Variants in CAST observed in about 807,000 individuals in gnomAD.
CAST encodes the protein MIR583 host.
A neutral mutation model predicts 119.6 loss-of-function variants in CAST; 76 were observed. The ratio of observed to expected loss-of-function variants is 0.64; its 90% CI spans 0.53 to 0.77. The LOEUF is 0.77. Among genes scored for constraint, CAST ranks in the 30% least tolerant of loss-of-function variants. The probability of loss-of-function intolerance (pLI) is 0.00; values close to 1 mark genes in which losing one functional copy is unlikely to be tolerated. For synonymous variants in CAST, 319 were observed against 331.6 expected, an observed-to-expected ratio of 0.96 and a Z score of 0.41; for missense variants, 953 against 946.5, an observed-to-expected ratio of 1.01 and a Z score of -0.09.
chr5:96,292,170 A>G, the CAST span, among the ~76,000 whole-genome samples: 1 of 152,136 alleles, frequency 6.6e-6, no homozygotes, highest in Non-Finnish European at 1.5e-5. Context: ...CTTTACCCTG[A>G]TTTTGTCCTA....
At chr5:96,087,959 C>A in the CAST span, among the ~76,000 whole-genome samples, 2 of 152,184 alleles carry the variant, frequency 1.3e-5, no homozygotes. Flanking sequence ...ACTTAAGCAT[C>A]AGAATGCATC....
Position 96,756,973 on chromosome 5 carries a change from A to G in CAST, c.1711-471A>G, listed in dbSNP as rs1192771148. On this transcript the variant is annotated intron_variant, in intron 22 of 31. Coordinates refer to ENST00000675179, the MANE Select transcript of CAST (RefSeq NM_001750.7). ...TGTGCGATTTTCTGTTGTATTGCCA[A>G]TGCTTACTTAGGTCAGGGCTTGGCA... is the stretch of plus-strand genomic sequence containing the variant. Among the ~76,000 whole-genome samples the G allele has an allele frequency of 4.6e-5, 7 of 152,320 alleles. No homozygotes were observed. The East Asian group carries it at 9.6e-4, about 21-fold the overall frequency.
chr5:96,683,316 C>T (rs1751673921), intron 2 of CAST, among the ~76,000 whole-genome samples: 1 of 152,136 alleles, frequency 6.6e-6, no homozygotes, highest in African/African-American at 2.4e-5. Context: ...AGATTTTTGG[C>T]ATTTGGTAGG....
upstream of CAST, among the ~76,000 whole-genome samples, chr5:96,661,015 C>A (rs1170858795): frequency 6.6e-6 from 1 of 151,620 alleles, no homozygotes; most frequent in African/African-American, 2.4e-5. Context: ...ATGCTGCTAG[C>A]CTATCCTTTG....
chr5:96,033,362 G>A, the CAST span, among the ~76,000 whole-genome samples: 1 of 152,072 alleles, frequency 6.6e-6, no homozygotes, highest in Non-Finnish European at 1.5e-5. Context: ...AACAAAAAGT[G>A]TAGAGGTAGA....
At chr5:96,151,446 G>A in the CAST span, among the ~76,000 whole-genome samples, 4 of 152,212 alleles carry the variant, frequency 2.6e-5, no homozygotes, top group Middle Eastern at 6.8e-3. Flanking sequence ...GTCCAGCCTG[G>A]GCAACATAGT....
rs189304189 is a variant in CAST, at chr5:96,631,333, C to T, written c.61-44206C>T. 2.7e-4 allele frequency among the ~76,000 whole-genome samples: 38 copies of T among 141,060 alleles called. 3 individuals are homozygous for T. Among genetic ancestry groups the T allele is most frequent in the African/African-American group, 9.0e-4 (36 of 39,946 alleles). 92.5% of individuals were successfully genotyped at this position (141,060 alleles called of 152,430 possible). A position where few individuals can be genotyped will look rare whatever the true frequency, so the allele number is the denominator to read the frequency against. ...TCTCTATAAATTTGGCTATTTTGGA[C>T]ATTTAATACAAATGTAATCATAAAA... is the stretch of plus-strand genomic sequence containing the variant. On this transcript the variant is annotated intron_variant, in intron 1 of 11. Transcript: ENST00000505143.
chr5:96,131,774 T>C, the CAST span, among the ~76,000 whole-genome samples: 1 of 152,160 alleles, frequency 6.6e-6, no homozygotes, highest in African/African-American at 2.4e-5. Context: ...CACCAACTTT[T>C]GATAATTCAG....
chr5:96,743,623 T>G (rs1561563169), intron 16 of CAST: 1 of 1,612,304 alleles, frequency 6.2e-7, no homozygotes, highest in Admixed American at 1.7e-5. Flanking sequence ...TGCCCTGGCC[T>G]AAGATGGGCC....
chr5:96,556,125 T>A (rs1746233843), intron 1 of CAST, among the ~76,000 whole-genome samples: 1 of 152,076 alleles, frequency 6.6e-6, no homozygotes, highest in African/African-American at 2.4e-5. Context: ...TCCAGAAAAC[T>A]CCAACAGACC....
chr5:96,661,671 A>G (rs1312377167), upstream of CAST, among the ~76,000 whole-genome samples: 1 of 152,220 alleles, frequency 6.6e-6, no homozygotes, highest in Non-Finnish European at 1.5e-5. Flanking sequence ...GATGAGCCCA[A>G]GAAGAAAGCA....
chr5:96,702,829 G>A, intron 3 of CAST: 1 of 985,468 alleles, frequency 1.0e-6, no homozygotes, highest in Non-Finnish European at 1.2e-6. Flanking sequence ...GGAGCTCCAA[G>A]CGGAAACCGC....
intron 2 of CAST, among the ~76,000 whole-genome samples, chr5:96,682,599 T>G (rs1040805593): frequency 2.0e-5 from 3 of 152,170 alleles, no homozygotes; most frequent in African/African-American, 4.8e-5. Flanking sequence ...TGTGGTGGTT[T>G]TGAGAGGCAA....
At chr5:96,750,219 C>T (rs896049798) in intron 19 of CAST, among the ~76,000 whole-genome samples, 3 of 152,128 alleles carry the variant, frequency 2.0e-5, no homozygotes, top group African/African-American at 7.2e-5. Context: ...AATAATTGCT[C>T]AAATGTATTG....
chr5:96,615,969 A>T (rs1747448461), intron 1 of CAST, among the ~76,000 whole-genome samples: 1 of 152,220 alleles, frequency 6.6e-6, no homozygotes, highest in African/African-American at 2.4e-5. Context: ...GTTCAAGGGC[A>T]GGAAGGATCC....
the CAST span, among the ~76,000 whole-genome samples, chr5:96,044,624 A>C: frequency 6.3e-4 from 96 of 152,358 alleles, no homozygotes; most frequent in African/African-American, 2.2e-3. Context: ...GTATATATAC[A>C]TGCTTACCTA....
chr5:96,349,198 C>T, the CAST span, among the ~76,000 whole-genome samples: 13 of 109,488 alleles, frequency 1.2e-4, no homozygotes, highest in Admixed American at 3.4e-4. Flanking sequence ...CAAGGGAATT[C>T]AATTAGGACA....
At chr5:96,555,257 T>C (rs542109269) in intron 1 of CAST, among the ~76,000 whole-genome samples, 63 of 152,272 alleles carry the variant, frequency 4.1e-4, no homozygotes, top group Non-Finnish European at 6.9e-4. Flanking sequence ...GGAGCCAAGA[T>C]GGCTGAATAG....
At chr5:96,348,863 C>G in the CAST span, among the ~76,000 whole-genome samples, 1 of 152,108 alleles carries the variant, frequency 6.6e-6, no homozygotes, top group Non-Finnish European at 1.5e-5. Context: ...TATGCCACTT[C>G]TATCAAAAGG....
Sources: gnomAD v4.1 joint callset for allele counts (sites outside exome capture counted in the v4.1 genomes callset) on GRCh38, gnomAD v4.1.1 for gene constraint, MANE v1.5 for transcripts, NCBI Gene and HGNC (gene_info 2026-07-23, HGNC 2026-07-21) for gene names.